The following MMP26 variants were observed in gnomAD, a reference collection of about 807,000 sequenced individuals.
MMP26 encodes the protein matrix metalloproteinase-26.
In MMP26, 33 loss-of-function variants were observed where a neutral mutation model predicts 31.0. The ratio of observed to expected loss-of-function variants is 1.06; its 90% CI spans 0.81 to 1.42. The LOEUF is 1.42. MMP26 is among the 40% of genes most tolerant of loss of function. MMP26 has a pLI of 0.00. For missense variants in MMP26, 347 were observed against 316.1 expected (o/e 1.10, Z -0.74); for synonymous variants, 122 against 114.9 (o/e 1.06, Z -0.40).
intron 2 of MMP26, among the ~76,000 whole-genome samples, chr11:4,789,492 A>T (rs1848992186): frequency 7.2e-6 from 1 of 139,404 alleles, no homozygotes; most frequent in Admixed American, 7.2e-5. Flanking sequence ...TTTTACCAGT[A>T]TACAAGTTGA....
In MMP26 at chr11:4,865,943, G is replaced by C. The variant is rs368643257; in HGVS notation, c.-145+98602G>C. Among the ~76,000 whole-genome samples, 70 of 152,256 alleles carry C rather than the reference G, an allele frequency of 4.6e-4. 1 individual carries two copies. Among genetic ancestry groups the C allele is most frequent in the Admixed American group, 2.0e-3 (31 of 15,276 alleles). On this transcript the variant is annotated intron_variant, in intron 2 of 7. Coordinates refer to ENST00000380390, the MANE Select transcript of MMP26 (RefSeq NM_021801.5). ...TATGATAAATTATTCAAACATGTGAGAGAAACTCAAGAGAGCTTTCTGGCA... is the reference window on the plus strand; with the variant it reads ...TATGATAAATTATTCAAACATGTGACAGAAACTCAAGAGAGCTTTCTGGCA...
chr11:4,893,597 C>T (rs981157260), intron 2 of MMP26, among the ~76,000 whole-genome samples: 2 of 152,150 alleles, frequency 1.3e-5, no homozygotes, highest in African/African-American at 4.8e-5. Context: ...TTCTCTTAAG[C>T]AGTCTTATCT....
chr11:4,817,148 A>G (rs1849432725), intron 2 of MMP26, among the ~76,000 whole-genome samples: 1 of 152,118 alleles, frequency 6.6e-6, no homozygotes, highest in South Asian at 2.1e-4. Flanking sequence ...AATCATAGCT[A>G]TAAGATTGTA....
chr11:4,713,231 G>A (rs1847884649), intron 1 of MMP26, among the ~76,000 whole-genome samples: 1 of 152,090 alleles, frequency 6.6e-6, no homozygotes, highest in Non-Finnish European at 1.5e-5. Context: ...TAGGGAAGAG[G>A]AAAGACTAAG....
chr11:4,836,926 C>T (rs545148491), intron 2 of MMP26, among the ~76,000 whole-genome samples: 41 of 151,606 alleles, frequency 2.7e-4, no homozygotes, highest in Non-Finnish European at 5.3e-4. Flanking sequence ...GCTGGGATTA[C>T]GGGCGTGAGC....
intron 2 of MMP26, among the ~76,000 whole-genome samples, chr11:4,940,131 C>A (rs930713881): frequency 6.6e-6 from 1 of 151,786 alleles, no homozygotes; most frequent in Admixed American, 6.6e-5. Context: ...GATTAATGAT[C>A]TATATAGGTT....
intron 2 of MMP26, among the ~76,000 whole-genome samples, chr11:4,782,811 G>A (rs948248327): frequency 1.3e-5 from 2 of 152,196 alleles, no homozygotes; most frequent in African/African-American, 4.8e-5. Context: ...TGGCTGAAAG[G>A]GGCCAATGTA....
intron 2 of MMP26, chr11:4,882,315 C>T (rs773021119): frequency 6.2e-7 from 1 of 1,613,994 alleles, no homozygotes; most frequent in South Asian, 1.1e-5. Flanking sequence ...ACTATCCTCA[C>T]AGACAGGATG....
intron 2 of MMP26, among the ~76,000 whole-genome samples, chr11:4,931,014 A>G (rs989050484): frequency 7.9e-5 from 12 of 152,198 alleles, no homozygotes; most frequent in Admixed American, 6.6e-4. Flanking sequence ...TAAAGCTGAA[A>G]TTAATACTAT....
chr11:4,966,005 T>C (rs1846589748), intron 2 of MMP26, among the ~76,000 whole-genome samples: 1 of 152,212 alleles, frequency 6.6e-6, no homozygotes. Flanking sequence ...CACCATGATT[T>C]GCCTTTTTAT....
chr11:4,812,294 A>T (rs1443864762), intron 2 of MMP26, among the ~76,000 whole-genome samples: 1 of 152,164 alleles, frequency 6.6e-6, no homozygotes, highest in African/African-American at 2.4e-5. Context: ...TAACATAAAT[A>T]TTACATAGAC....
rs57920748 is a variant in MMP26, at chr11:4,923,431, C to G, written c.-144-64637C>G. On this transcript the variant is annotated intron_variant, in intron 2 of 7. Coordinates refer to ENST00000380390, the MANE Select transcript of MMP26 (RefSeq NM_021801.5). ...TAAACTGAAACTTCTTAATGATGCGCTGGCGAATTTGCTTGGTCTTGATGC... is the reference window on the plus strand; with the variant it reads ...TAAACTGAAACTTCTTAATGATGCGGTGGCGAATTTGCTTGGTCTTGATGC... 7,332 of 1,598,040 alleles carry G rather than the reference C, an allele frequency of 4.6e-3. 307 individuals carry two copies. In the African/African-American group the frequency reaches 0.087, roughly 19 times the overall value.
intron 2 of MMP26, among the ~76,000 whole-genome samples, chr11:4,855,629 T>C (rs11034295): frequency 0.36 from 54,504 of 152,044 alleles, 10,266 homozygotes; most frequent in Middle Eastern, 0.43. Context: ...GAGAATGGAA[T>C]GAAGTTAGAA....
chr11:4,722,315 AT>A, intron 1 of MMP26, among the ~76,000 whole-genome samples: 1 of 152,096 alleles, frequency 6.6e-6, no homozygotes, highest in East Asian at 1.9e-4. Flanking sequence ...TTTCCTGCTG[AT>A]TTTGTGACTG....
intron 1 of MMP26, among the ~76,000 whole-genome samples, chr11:4,764,804 T>C (rs59897146): frequency 0.096 from 14,627 of 151,726 alleles, 1,555 homozygotes; most frequent in African/African-American, 0.27. Context: ...ACCCGGGAGG[T>C]GGAGCTTGCA....
intron 2 of MMP26, among the ~76,000 whole-genome samples, chr11:4,809,643 TG>T (rs1564915158): frequency 6.6e-6 from 1 of 152,158 alleles, no homozygotes; most frequent in Non-Finnish European, 1.5e-5. Flanking sequence ...TGGAGCAGTG[TG>T]GGGTTCAGAG....
At chr11:4,965,029 T>C (rs140725667) in intron 2 of MMP26, among the ~76,000 whole-genome samples, 74 of 152,330 alleles carry the variant, frequency 4.9e-4, no homozygotes, top group African/African-American at 1.6e-3. Context: ...GGTACACATT[T>C]ACCTATGTAA....
intron 2 of MMP26, among the ~76,000 whole-genome samples, chr11:4,782,800 A>T (rs1848882084): frequency 6.6e-6 from 1 of 152,180 alleles, no homozygotes; most frequent in East Asian, 1.9e-4. Context: ...TGCTCCAGAC[A>T]TGGCTGAAAG....
chr11:4,900,563 T>C (rs1850785411), intron 2 of MMP26, among the ~76,000 whole-genome samples: 1 of 152,214 alleles, frequency 6.6e-6, no homozygotes, highest in Non-Finnish European at 1.5e-5. Context: ...GAGCCAATTA[T>C]GCCACCACTG....
Sources: gnomAD v4.1 joint callset for allele counts (sites outside exome capture counted in the v4.1 genomes callset) on GRCh38, gnomAD v4.1.1 for gene constraint, MANE v1.5 for transcripts, NCBI Gene and HGNC (gene_info 2026-07-23, HGNC 2026-07-21) for gene names.